ANKRD27: variants seen among roughly 807,000 people sequenced by gnomAD.
ANKRD27 encodes ankyrin repeat domain 27.
In ANKRD27, 112 loss-of-function variants were observed where a neutral mutation model predicts 129.7. The ratio of observed to expected loss-of-function variants is 0.86; its 90% CI spans 0.74 to 1.01. ANKRD27 has a LOEUF of 1.01. Ranked by LOEUF, ANKRD27 falls within the 50% of genes least tolerant of loss-of-function variation. The pLI, the probability that ANKRD27 is intolerant of heterozygous loss-of-function variation, is 0.00. For synonymous variants in ANKRD27, 516 were observed against 511.2 expected (o/e 1.01, Z -0.13); for missense variants, 1,258 against 1,300.5 (o/e 0.97, Z 0.50).
intron 2 of ANKRD27, among the ~76,000 whole-genome samples, chr19:32,656,980 T>A (rs1262833200): frequency 6.6e-6 from 1 of 152,138 alleles, no homozygotes; most frequent in East Asian, 1.9e-4. Flanking sequence ...AATAATGAAC[T>A]TTTTGGCTTC....
chr19:32,633,174 G>C (rs1236021995), intron 12 of ANKRD27, among the ~76,000 whole-genome samples: 1 of 152,154 alleles, frequency 6.6e-6, no homozygotes, highest in Non-Finnish European at 1.5e-5. Flanking sequence ...TGAATCTTCA[G>C]GGAAGAATGA....
chr19:32,623,817 C>T (rs1972049983), intron 17 of ANKRD27, among the ~76,000 whole-genome samples: 1 of 152,016 alleles, frequency 6.6e-6, no homozygotes, highest in Non-Finnish European at 1.5e-5. Flanking sequence ...TCCCAAAGTG[C>T]TGGGACTACA....
intron 2 of ANKRD27, among the ~76,000 whole-genome samples, chr19:32,657,097 G>A (rs1188095502): frequency 2.0e-5 from 3 of 152,124 alleles, no homozygotes; most frequent in Non-Finnish European, 4.4e-5. Context: ...GGAGATGGAG[G>A]TGGGCGGATA....
In ANKRD27 at chr19:32,644,477, C is replaced by A. The variant is rs1228484103; in HGVS notation, c.373G>T (p.Glu125Ter). 6.2e-7 allele frequency: 1 copy of A among 1,612,924 alleles called. No individual in the cohort carries two copies. The highest frequency in any genetic ancestry group is 1.1e-5 in the South Asian group (1 of 91,066). ...AAGGGATCTGAGGGTGCCAAAGGCT[C>A]TTCTGAAAAAGAAACAAACAGGTCA... is the stretch of plus-strand genomic sequence containing the variant. ...HPLEKRESSEEPLAPSDPFSL... is the reference protein window; with the variant it reads ...HPLEKRESSE Residue 125 changes from glutamate to a stop codon, truncating the protein, a stop_gained and splice_region_variant, in exon 5 of 29, where the codon GAG (glutamate) becomes TAG (stop). Coordinates refer to ENST00000306065, the MANE Select transcript of ANKRD27 (RefSeq NM_032139.3). LOFTEE classifies it high-confidence loss of function.
At chr19:32,616,125 G>A (rs187138212) in intron 21 of ANKRD27, among the ~76,000 whole-genome samples, 22 of 152,274 alleles carry the variant, frequency 1.4e-4, no homozygotes, top group African/African-American at 4.3e-4. Context: ...CCTGAGCCCA[G>A]GAGTTCAAGG....
chr19:32,630,605 C>A (rs1217837371), intron 13 of ANKRD27, among the ~76,000 whole-genome samples: 1 of 152,240 alleles, frequency 6.6e-6, no homozygotes, highest in East Asian at 1.9e-4. Context: ...CACAGTGTGC[C>A]GCCCAGCACA....
At chr19:32,657,213 C>A (rs536074778) in intron 2 of ANKRD27, among the ~76,000 whole-genome samples, 3 of 152,190 alleles carry the variant, frequency 2.0e-5, no homozygotes, top group Admixed American at 2.0e-4. Context: ...CCTGTAATTC[C>A]AGCACGCTGG....
In ANKRD27 at chr19:32,655,422, G is replaced by C. The variant is rs954989711; in HGVS notation, c.102+3492C>G. ...ATGCCTTGGATCTCAGGAGGAGCTG[G>C]ACTGAGGGTCTGGGGTTCTGTGGGG... is the stretch of plus-strand genomic sequence containing the variant. On this transcript the variant is annotated intron_variant, in intron 2 of 28. Transcript: ENST00000306065. 3 of 152,410 alleles carry C rather than the reference G, an allele frequency of 2.0e-5. No homozygotes were observed. The East Asian group carries it at 5.8e-4, about 29-fold the overall frequency. 9.4% of individuals were successfully genotyped at this position (152,410 alleles called of 1,614,324 possible). A position where few individuals can be genotyped will look rare whatever the true frequency, so the allele number is the denominator to read the frequency against.
Position 32,605,974 on chromosome 19 carries a change from C to T in ANKRD27, c.2374-20G>A, listed in dbSNP as rs761164106. ...CACCACCTGGGCCAGAGAAGGAAAA[C>T]GTGCAAACTTAATCAAAATTTCTGT... On this transcript the variant is annotated intron_variant, in intron 23 of 28. Transcript: ENST00000306065. The T allele has an allele frequency of 9.4e-6, 15 of 1,587,950 alleles. 1 individual carries two copies. Among genetic ancestry groups the T allele is most frequent in the South Asian group, 6.9e-5 (6 of 87,468 alleles).
chr19:32,614,783 CAT>C (rs1259925406), intron 22 of ANKRD27, among the ~76,000 whole-genome samples: 4 of 152,134 alleles, frequency 2.6e-5, no homozygotes, highest in African/African-American at 4.8e-5. Flanking sequence ...TAAACCTACA[CAT>C]GTGGCACAAC....
rs758425212 is a variant in ANKRD27, at chr19:32,602,085, A to C, written c.2697T>G (p.Cys899Trp). 1.2e-6 allele frequency: 2 copies of C among 1,613,844 alleles called. No individual in the cohort carries two copies. The highest frequency in any genetic ancestry group is 1.7e-5 in the Admixed American group (1 of 59,972). The change falls in exon 26 of 29, where the codon TGT (cysteine) becomes TGG (tryptophan). Residue 899 changes from cysteine to tryptophan, a missense_variant. Transcript: ENST00000306065. ...CAGCCACATCATCTAATGAAGCAAC[A>C]CAGCTTGGTACCACCTGAAGCAATT... ...IMELLQVVPS[C>W]VASLDDVAET...
chr19:32,605,748 T>C, intron 24 of ANKRD27, 87 bp downstream of exon 24: 1 of 1,545,086 alleles, frequency 6.5e-7, no homozygotes. Context: ...GGCCTCTCCA[T>C]CCCCAGTGCG....
At chr19:32,659,377 C>T (rs186569637) in intron 1 of ANKRD27, among the ~76,000 whole-genome samples, 23 of 152,182 alleles carry the variant, frequency 1.5e-4, no homozygotes, top group Admixed American at 1.2e-3. Context: ...CTGTCACACC[C>T]GACCTGCATC....
chr19:32,604,007 G>A (rs970274658), intron 25 of ANKRD27, among the ~76,000 whole-genome samples: 2 of 152,160 alleles, frequency 1.3e-5, no homozygotes, highest in South Asian at 2.1e-4. Flanking sequence ...CTAGCTGAGG[G>A]GGGGGCCCCT....
intron 22 of ANKRD27, among the ~76,000 whole-genome samples, chr19:32,615,363 T>G (rs1158400119): frequency 6.6e-6 from 1 of 152,116 alleles, no homozygotes; most frequent in South Asian, 2.1e-4. Flanking sequence ...GGCAGGAGGA[T>G]AGCTTGAGCC....
chr19:32,672,318 C>T (rs1370863668), intron 1 of ANKRD27, among the ~76,000 whole-genome samples: 1 of 152,222 alleles, frequency 6.6e-6, no homozygotes, highest in African/African-American at 2.4e-5. Flanking sequence ...TATGCTGTTA[C>T]AGTCACTTGT....
intron 2 of ANKRD27, among the ~76,000 whole-genome samples, chr19:32,653,719 A>AGGCGT (rs1158187681): frequency 4.5e-4 from 14 of 30,926 alleles, no homozygotes; most frequent in East Asian, 3.1e-3. Context: ...AGGCGCTTCG[A>AGGCGT]GGCGTGGCGT....
chr19:32,667,297 A>G (rs1320902869), intron 1 of ANKRD27, among the ~76,000 whole-genome samples: 2 of 152,248 alleles, frequency 1.3e-5, no homozygotes, highest in Non-Finnish European at 2.9e-5. Context: ...ACAATTACAC[A>G]TAATGGCTCT....
intron 1 of ANKRD27, 56 bp from the exon 2 acceptor site, chr19:32,659,101 T>C (rs1207347971): frequency 4.7e-6 from 4 of 848,392 alleles, no homozygotes; most frequent in South Asian, 1.4e-5. Context: ...ACGTAACACA[T>C]GAAAGTCTGC....
Sources: gnomAD v4.1 joint callset for allele counts (sites outside exome capture counted in the v4.1 genomes callset) on GRCh38, gnomAD v4.1.1 for gene constraint, MANE v1.5 for transcripts, NCBI Gene and HGNC (gene_info 2026-07-23, HGNC 2026-07-21) for gene names.